GPC5: variants seen among roughly 807,000 people sequenced by gnomAD.
GPC5 encodes glypican 5.
GPC5 carries 47 observed loss-of-function variants against 53.9 expected under a neutral mutation model. The ratio of observed to expected loss-of-function variants is 0.87; its 90% CI spans 0.69 to 1.11. GPC5 has a LOEUF of 1.11. Ranked by LOEUF, GPC5 falls within the 50% of genes most tolerant of loss-of-function variation. The pLI, the probability that GPC5 is intolerant of heterozygous loss-of-function variation, is 0.00. For missense variants in GPC5, 748 were observed against 713.1 expected (o/e 1.05, Z -0.56); for synonymous variants, 286 against 263.3 (o/e 1.09, Z -0.84).
chr13:91,479,149 G>A (rs1392478146), intron 2 of GPC5, among the ~76,000 whole-genome samples: 1 of 151,662 alleles, frequency 6.6e-6, no homozygotes, highest in African/African-American at 2.4e-5. Flanking sequence ...CTGAGCTCAG[G>A]CAGTCTGCCT....
intron 7 of GPC5, among the ~76,000 whole-genome samples, chr13:92,608,129 G>A (rs1884314671): frequency 6.6e-6 from 1 of 152,054 alleles, no homozygotes; most frequent in East Asian, 1.9e-4. Flanking sequence ...TTATGTTATT[G>A]GTAAGGCTTC....
At chr13:91,718,234 T>C (rs1175190663) in intron 3 of GPC5, among the ~76,000 whole-genome samples, 11 of 152,052 alleles carry the variant, frequency 7.2e-5, no homozygotes, top group East Asian at 3.9e-4. Flanking sequence ...TCTCAGCCTC[T>C]GGAGTAGCTG....
chr13:92,824,735 A>AAC (rs1309080049), intron 7 of GPC5, among the ~76,000 whole-genome samples: 1 of 151,272 alleles, frequency 6.6e-6, no homozygotes, highest in East Asian at 1.9e-4. Flanking sequence ...TGAAAAAAAA[A>AAC]ACTTCTCATC....
At chr13:91,897,172 G>A (rs902260301) in intron 5 of GPC5, among the ~76,000 whole-genome samples, 14 of 152,114 alleles carry the variant, frequency 9.2e-5, no homozygotes, top group Admixed American at 7.2e-4. Context: ...GATTGAAACT[G>A]TGTTATGCTC....
At chr13:92,632,011 C>T (rs770500180) in intron 7 of GPC5, among the ~76,000 whole-genome samples, 1 of 152,136 alleles carries the variant, frequency 6.6e-6, no homozygotes, top group South Asian at 2.1e-4. Context: ...TTAAGAAATA[C>T]TCAACCTGTC....
chr13:92,110,436 C>G (rs184116059), intron 6 of GPC5, among the ~76,000 whole-genome samples: 1 of 152,036 alleles, frequency 6.6e-6, no homozygotes, highest in East Asian at 1.9e-4. Flanking sequence ...ATGAATTATT[C>G]TATCATGGCA....
intron 7 of GPC5, among the ~76,000 whole-genome samples, chr13:92,252,765 T>C (rs1360627043): frequency 1.3e-5 from 2 of 152,110 alleles, no homozygotes; most frequent in Non-Finnish European, 2.9e-5. Context: ...AATCGAAAAG[T>C]TGTAAAGGAA....
intron 1 of GPC5, among the ~76,000 whole-genome samples, chr13:91,432,744 A>T (rs1242872313): frequency 6.6e-6 from 1 of 152,168 alleles, no homozygotes; most frequent in Non-Finnish European, 1.5e-5. Context: ...AAAAACACAA[A>T]TCTCTAAATT....
At chr13:91,813,964 G>A (rs1305287677) in intron 5 of GPC5, among the ~76,000 whole-genome samples, 1 of 100,898 alleles carries the variant, frequency 9.9e-6, no homozygotes, top group African/African-American at 4.0e-5. Context: ...ACAGAGTATT[G>A]CTCTGTCACC....
At chr13:92,812,486 C>A (rs1877330537) in intron 7 of GPC5, among the ~76,000 whole-genome samples, 1 of 151,686 alleles carries the variant, frequency 6.6e-6, no homozygotes, top group Non-Finnish European at 1.5e-5. Context: ...ACAAATTAAA[C>A]AAGCTTTTAT....
intron 5 of GPC5, among the ~76,000 whole-genome samples, chr13:91,906,995 A>G (rs2039559897): frequency 6.7e-6 from 1 of 149,790 alleles, no homozygotes; most frequent in Non-Finnish European, 1.5e-5. Context: ...TATATTTTAT[A>G]TATATATATA....
chr13:92,417,232 T>TGACC (rs1876351155), intron 7 of GPC5, among the ~76,000 whole-genome samples: 1 of 152,230 alleles, frequency 6.6e-6, no homozygotes, highest in Admixed American at 6.5e-5. Context: ...CATACTCAGA[T>TGACC]GACCAATAAA....
intron 6 of GPC5, among the ~76,000 whole-genome samples, chr13:91,916,334 T>A (rs960745778): frequency 6.6e-6 from 1 of 152,210 alleles, no homozygotes; most frequent in Non-Finnish European, 1.5e-5. Flanking sequence ...CAAAAACTTG[T>A]ACATGATTGT....
At chr13:92,562,352 T>C (rs1220848694) in intron 7 of GPC5, among the ~76,000 whole-genome samples, 1 of 152,034 alleles carries the variant, frequency 6.6e-6, no homozygotes, top group Non-Finnish European at 1.5e-5. Flanking sequence ...CCATATTCTC[T>C]CCACTCTCAG....
intron 7 of GPC5, among the ~76,000 whole-genome samples, chr13:92,512,481 A>C (rs1304018282): frequency 1.3e-5 from 2 of 152,180 alleles, no homozygotes; most frequent in South Asian, 2.1e-4. Context: ...TAAGACAATA[A>C]AAATATTATA....
intron 3 of GPC5, among the ~76,000 whole-genome samples, chr13:91,721,084 T>C (rs889372734): frequency 2.7e-5 from 1 of 36,802 alleles, no homozygotes; most frequent in Admixed American, 3.4e-4. Context: ...TTTCTTTCTT[T>C]CTTTCTTTCT....
intron 7 of GPC5, among the ~76,000 whole-genome samples, chr13:92,547,093 C>A (rs535787807): frequency 1.3e-5 from 2 of 152,074 alleles, no homozygotes; most frequent in Non-Finnish European, 2.9e-5. Flanking sequence ...CAAAAGATAT[C>A]TTTGCATTAT....
At chr13:91,688,786 G>A (rs1566610729) in intron 2 of GPC5, among the ~76,000 whole-genome samples, 1 of 152,026 alleles carries the variant, frequency 6.6e-6, no homozygotes, top group East Asian at 1.9e-4. Flanking sequence ...AAACCTGTGT[G>A]ACATGTTACT....
chr13:91,570,332 T>C (rs1384558004), intron 2 of GPC5, among the ~76,000 whole-genome samples: 1 of 152,194 alleles, frequency 6.6e-6, no homozygotes, highest in African/African-American at 2.4e-5. Context: ...CTGAAACTTT[T>C]TGAGCACTAA....
Sources: allele counts gnomAD v4.1 joint callset (sites outside exome capture counted in the v4.1 genomes callset), GRCh38; gene constraint gnomAD v4.1.1; transcripts MANE v1.5; gene names NCBI Gene and HGNC (gene_info 2026-07-23, HGNC 2026-07-21).